The following CNTN5 variants were observed in gnomAD, a reference collection of about 807,000 sequenced individuals.
CNTN5 encodes contactin 5.
CNTN5 carries 77 observed loss-of-function variants against 129.1 expected under a neutral mutation model. The ratio of observed to expected loss-of-function variants is 0.60; its 90% CI spans 0.50 to 0.72. CNTN5 has a LOEUF of 0.72. Ranked by LOEUF, CNTN5 falls within the 30% of genes least tolerant of loss-of-function variation. The pLI, the probability that CNTN5 is intolerant of heterozygous loss-of-function variation, is 0.00. For synonymous variants in CNTN5, 509 were observed against 465.6 expected, an observed-to-expected ratio of 1.09 and a Z score of -1.20; for missense variants, 1,478 against 1,328.8, an observed-to-expected ratio of 1.11 and a Z score of -1.75.
At chr11:99,827,230 G>T (rs1327271969) in intron 4 of CNTN5, among the ~76,000 whole-genome samples, 1 of 152,088 alleles carries the variant, frequency 6.6e-6, no homozygotes, top group Non-Finnish European at 1.5e-5. Context: ...TGGAACTACA[G>T]GCACACACTA....
At chr11:99,138,426 G>A (rs1334659716) in intron 1 of CNTN5, among the ~76,000 whole-genome samples, 1 of 152,006 alleles carries the variant, frequency 6.6e-6, no homozygotes, top group Non-Finnish European at 1.5e-5. Flanking sequence ...TTTTAAAAAT[G>A]GTATGTATAA....
chr11:99,670,886 T>G (rs1953006531), intron 3 of CNTN5, among the ~76,000 whole-genome samples: 1 of 152,140 alleles, frequency 6.6e-6, no homozygotes, highest in Non-Finnish European at 1.5e-5. Context: ...ACTTGATAGT[T>G]TATGCATGTA....
At chr11:99,641,691 A>G (rs763882073) in intron 3 of CNTN5, among the ~76,000 whole-genome samples, 4 of 152,142 alleles carry the variant, frequency 2.6e-5, no homozygotes, top group East Asian at 1.9e-4. Flanking sequence ...CACAGGATCC[A>G]TAGTATTCCA....
intron 2 of CNTN5, among the ~76,000 whole-genome samples, chr11:99,515,890 A>G (rs1289813892): frequency 3.3e-5 from 5 of 152,002 alleles, no homozygotes; most frequent in East Asian, 3.9e-4. Flanking sequence ...TTTAAAAGAT[A>G]TATTTTAAAC....
intron 2 of CNTN5, among the ~76,000 whole-genome samples, chr11:99,453,794 A>G (rs185726167): frequency 1.6e-4 from 24 of 152,284 alleles, no homozygotes; most frequent in Middle Eastern, 3.4e-3. Context: ...TGCAAAGGGA[A>G]TGACTGCCTT....
chr11:99,584,900 A>C (rs1371583681), intron 3 of CNTN5, among the ~76,000 whole-genome samples: 1 of 152,228 alleles, frequency 6.6e-6, no homozygotes, highest in African/African-American at 2.4e-5. Context: ...AAGTGAACTG[A>C]GTAGGCCTGT....
At chr11:99,696,546 T>A (rs1334458233) in intron 3 of CNTN5, among the ~76,000 whole-genome samples, 3 of 151,936 alleles carry the variant, frequency 2.0e-5, no homozygotes, top group African/African-American at 4.8e-5. Flanking sequence ...TAAGTTGAGA[T>A]GTTGTAATAT....
intron 3 of CNTN5, among the ~76,000 whole-genome samples, chr11:99,576,849 C>T (rs1949366223): frequency 6.6e-6 from 1 of 152,088 alleles, no homozygotes; most frequent in Non-Finnish European, 1.5e-5. Context: ...AGGGTTTCAC[C>T]CTCATGACCT....
At chr11:99,288,193 G>A (rs1184238914) in intron 1 of CNTN5, among the ~76,000 whole-genome samples, 1 of 151,736 alleles carries the variant, frequency 6.6e-6, no homozygotes, top group Non-Finnish European at 1.5e-5. Context: ...ATATATGAAA[G>A]CAAATTGTTT....
intron 14 of CNTN5, 36 bp downstream of exon 14, chr11:100,191,289 T>G (rs768898850): frequency 6.4e-7 from 1 of 1,567,992 alleles, no homozygotes; most frequent in African/African-American, 1.4e-5. Context: ...ACAAGCATAG[T>G]CTCATGGTCT....
chr11:99,573,810 G>T (rs756726683), intron 3 of CNTN5, among the ~76,000 whole-genome samples: 43 of 151,744 alleles, frequency 2.8e-4, no homozygotes, highest in Non-Finnish European at 5.7e-4. Context: ...AACCTTTCTA[G>T]AGCATATGTA....
intron 8 of CNTN5, among the ~76,000 whole-genome samples, chr11:99,980,105 GT>G (rs1465571705): frequency 6.6e-6 from 1 of 151,894 alleles, no homozygotes; most frequent in African/African-American, 2.4e-5. Flanking sequence ...ACCTCTAGCT[GT>G]CATTTTAGGT....
chr11:99,078,878 A>G (rs751758781), intron 1 of CNTN5, among the ~76,000 whole-genome samples: 1 of 152,146 alleles, frequency 6.6e-6, no homozygotes, highest in Non-Finnish European at 1.5e-5. Context: ...AGTATTTAAT[A>G]GCACAACAGG....
At chr11:99,995,782 T>A (rs1939402240) in intron 8 of CNTN5, among the ~76,000 whole-genome samples, 1 of 152,114 alleles carries the variant, frequency 6.6e-6, no homozygotes, top group African/African-American at 2.4e-5. Context: ...TAAAAATTAA[T>A]TTTAGGAGAA....
intron 3 of CNTN5, among the ~76,000 whole-genome samples, chr11:99,800,366 C>A (rs899030446): frequency 6.6e-6 from 1 of 152,044 alleles, no homozygotes; most frequent in Non-Finnish European, 1.5e-5. Flanking sequence ...TATGACCCAG[C>A]ATGTAGTTGA....
intron 3 of CNTN5, among the ~76,000 whole-genome samples, chr11:99,817,233 T>C (rs891989733): frequency 1.3e-5 from 2 of 152,242 alleles, no homozygotes; most frequent in African/African-American, 2.4e-5. Context: ...CTTGAATGAA[T>C]GAATGAATCA....
intron 3 of CNTN5, among the ~76,000 whole-genome samples, chr11:99,685,378 G>GTCTT (rs1953745930): frequency 6.6e-6 from 1 of 151,624 alleles, no homozygotes; most frequent in Non-Finnish European, 1.5e-5. Flanking sequence ...TGTCACTTAG[G>GTCTT]TCATATTGTT....
intron 3 of CNTN5, among the ~76,000 whole-genome samples, chr11:99,629,075 G>T (rs1322667772): frequency 1.3e-5 from 2 of 151,900 alleles, no homozygotes; most frequent in African/African-American, 2.4e-5. Flanking sequence ...AATACTCACA[G>T]AAAAAACAAT....
chr11:99,647,123 C>A (rs1256550823), intron 3 of CNTN5, among the ~76,000 whole-genome samples: 1 of 152,106 alleles, frequency 6.6e-6, no homozygotes, highest in East Asian at 1.9e-4. Flanking sequence ...TTTCCTGAAG[C>A]ATTTCCCCTA....
Sources: gnomAD v4.1 joint callset for allele counts (sites outside exome capture counted in the v4.1 genomes callset) on GRCh38, gnomAD v4.1.1 for gene constraint, MANE v1.5 for transcripts, NCBI Gene and HGNC (gene_info 2026-07-23, HGNC 2026-07-21) for gene names.